FZD3: variants seen among roughly 807,000 people sequenced by gnomAD.
FZD3 encodes frizzled class receptor 3.
A neutral mutation model predicts 60.7 loss-of-function variants in FZD3; 30 were observed. The observed-to-expected ratio is 0.49, with a 90% CI of 0.37 to 0.67. The LOEUF is 0.67. Among genes scored for constraint, FZD3 ranks in the 30% least tolerant of loss-of-function variants. The pLI is 0.00. For missense variants in FZD3, 605 were observed against 838.7 expected (o/e 0.72, Z 3.44); for synonymous variants, 246 against 275.2 (o/e 0.89, Z 1.05).
chr8:28,528,156 C>G lies in FZD3; in HGVS notation c.1396C>G (p.Pro466Ala). Residue 466 changes from proline to alanine, a missense_variant, in exon 5 of 8, where the codon CCA (proline) becomes GCA (alanine). Physicochemically the swap from Pro to Ala is conservative, Grantham distance 27 (BLOSUM62 -1). Transcript: ENST00000240093. ...CTGCAGAGAATATCACATTCCATGT[C>G]CATATCAGGTAAGGGAAACCTTGTT... ...ERCREYHIPC[P>A]YQVTQMSRPD... The G allele has an allele frequency of 1.9e-6, 3 of 1,606,260 alleles. No individual in the cohort carries two copies. Among genetic ancestry groups the G allele is most frequent in the Non-Finnish European group, 2.6e-6 (3 of 1,176,038 alleles).
intron 4 of FZD3, among the ~76,000 whole-genome samples, chr8:28,522,104 C>CTT (rs1159167662): frequency 0.013 from 1,843 of 140,304 alleles, 17 homozygotes; most frequent in African/African-American, 0.021. Flanking sequence ...TTTCTCTTCT[C>CTT]TTTTTTTTTT....
At chr8:28,506,969 C>T (rs76982300) in intron 3 of FZD3, among the ~76,000 whole-genome samples, 2,075 of 152,320 alleles carry the variant, frequency 0.014, 50 homozygotes, top group African/African-American at 0.047. Flanking sequence ...GTTTCATTAT[C>T]ACTGCATGCC....
At chr8:28,503,965 A>G (rs76356327) in intron 3 of FZD3, among the ~76,000 whole-genome samples, 2,038 of 152,322 alleles carry the variant, frequency 0.013, 49 homozygotes, top group African/African-American at 0.047. Context: ...AGTACTCTAT[A>G]AGTGATAGCT....
Position 28,567,905 on chromosome 8 carries a change from AT to A in FZD3, c.*4895del, listed in dbSNP as rs1453220501. On this transcript the variant is annotated 3_prime_UTR_variant, in exon 8 of 8. Transcript: ENST00000240093. ...AGCTTGACTTAAATTATAAAAAAAAATATATATGAAGAAGAATGTAGACCCT... is the reference window on the plus strand; with the variant it reads ...AGCTTGACTTAAATTATAAAAAAAAAATATATGAAGAAGAATGTAGACCCT... The A allele has an allele frequency of 6.6e-6, 1 of 152,104 alleles. No individual in the cohort carries two copies. The highest frequency in any genetic ancestry group is 6.5e-5 in the Admixed American group (1 of 15,270). 9.4% of individuals were successfully genotyped at this position (152,104 alleles called of 1,614,324 possible).
At chr8:28,556,733 A>G (rs1198389149) in intron 7 of FZD3, among the ~76,000 whole-genome samples, 1 of 150,906 alleles carries the variant, frequency 6.6e-6, no homozygotes, top group Admixed American at 6.5e-5. Context: ...AAATAACTGC[A>G]TTCCCATAAA....
chr8:28,508,950 C>T (rs966602173), intron 3 of FZD3, among the ~76,000 whole-genome samples: 2 of 152,174 alleles, frequency 1.3e-5, no homozygotes, highest in African/African-American at 4.8e-5. Flanking sequence ...ACAATGATTA[C>T]AGCAAGCAGT....
chr8:28,552,972 C>T (rs1333590003), intron 6 of FZD3, among the ~76,000 whole-genome samples: 1 of 152,074 alleles, frequency 6.6e-6, no homozygotes, highest in Non-Finnish European at 1.5e-5. Flanking sequence ...CTGTAAGTAA[C>T]CTAGAGATGA....
intron 5 of FZD3, among the ~76,000 whole-genome samples, chr8:28,542,712 AC>A (rs1325848166): frequency 6.6e-6 from 1 of 151,940 alleles, no homozygotes; most frequent in Non-Finnish European, 1.5e-5. Flanking sequence ...GCTATCCCCT[AC>A]CTTGTGTTTT....
At chr8:28,558,280 T>C (rs1407965905) in intron 7 of FZD3, among the ~76,000 whole-genome samples, 1 of 152,166 alleles carries the variant, frequency 6.6e-6, no homozygotes, top group Non-Finnish European at 1.5e-5. Flanking sequence ...AGGAAGTTTC[T>C]ACAGTAATTT....
At chr8:28,498,018 T>C (rs1176018827) in intron 1 of FZD3, among the ~76,000 whole-genome samples, 10 of 152,262 alleles carry the variant, frequency 6.6e-5, no homozygotes, top group Non-Finnish European at 4.4e-5. Flanking sequence ...GTTGGAAATA[T>C]AAAATTCCTG....
At chr8:28,560,239 A>G (rs1805591098) in intron 7 of FZD3, among the ~76,000 whole-genome samples, 5 of 152,188 alleles carry the variant, frequency 3.3e-5, no homozygotes, top group African/African-American at 1.2e-4. Flanking sequence ...TTTTTTGACA[A>G]CGGCAGCAAA....
At chr8:28,545,437 T>C (rs558352054) in intron 5 of FZD3, among the ~76,000 whole-genome samples, 19 of 152,114 alleles carry the variant, frequency 1.2e-4, no homozygotes, top group Non-Finnish European at 2.2e-4. Flanking sequence ...CTAAGCTGTA[T>C]AGAAAGGTTT....
chr8:28,506,026 G>T (rs1804131724), intron 3 of FZD3, among the ~76,000 whole-genome samples: 1 of 152,158 alleles, frequency 6.6e-6, no homozygotes, highest in African/African-American at 2.4e-5. Flanking sequence ...AGTAGCTTTT[G>T]ATAGGAAAAA....
In FZD3 at chr8:28,569,924, C is replaced by CT. The variant is rs1451787367; in HGVS notation, c.*6914dup. 6.6e-6 allele frequency: 1 copy of CT among 151,978 alleles called. No homozygotes were observed. The highest frequency in any genetic ancestry group is 1.5e-5 in the Non-Finnish European group (1 of 67,976). The allele number at this position is 151,978 out of a possible 1,614,324, so 9.4% of individuals were successfully genotyped here. On this transcript the variant is annotated 3_prime_UTR_variant, in exon 8 of 8. Coordinates refer to ENST00000240093, the MANE Select transcript of FZD3 (RefSeq NM_017412.4). ...GTGAACAAAGCAATGGTTCGTATGGCTAATTTAAAAGCAATTCAATTTACC... is the reference window on the plus strand; with the variant it reads ...GTGAACAAAGCAATGGTTCGTATGGCTTAATTTAAAAGCAATTCAATTTACC...
intron 5 of FZD3, among the ~76,000 whole-genome samples, chr8:28,549,567 A>G (rs1805366446): frequency 6.6e-6 from 1 of 151,938 alleles, no homozygotes; most frequent in Non-Finnish European, 1.5e-5. Context: ...TATTTCTTTT[A>G]TCTAATTGCA....
At chr8:28,534,962 C>A (rs1319771640) in intron 5 of FZD3, among the ~76,000 whole-genome samples, 1 of 152,188 alleles carries the variant, frequency 6.6e-6, no homozygotes, top group Non-Finnish European at 1.5e-5. Context: ...AATGATGGAG[C>A]AGTCTCCTCA....
At chr8:28,543,976 TC>T (rs778216761) in intron 5 of FZD3, among the ~76,000 whole-genome samples, 11 of 152,122 alleles carry the variant, frequency 7.2e-5, no homozygotes, top group East Asian at 3.9e-4. Flanking sequence ...AATAAACAGT[TC>T]TTCAGGACTT....
intron 7 of FZD3, 69 bp from the exon 8 acceptor site, chr8:28,562,729 A>G: frequency 1.0e-6 from 1 of 956,788 alleles, no homozygotes; most frequent in Non-Finnish European, 1.6e-6. Context: ...CATTTTTATG[A>G]AAATTATTAG....
chr8:28,520,945 A>C (rs993179857), intron 4 of FZD3, 111 bp downstream of exon 4: 10 of 560,022 alleles, frequency 1.8e-5, no homozygotes, highest in Non-Finnish European at 2.7e-5. Flanking sequence ...TGTACATATT[A>C]GTCATTAATT....
Sources: gnomAD v4.1 joint callset for allele counts (sites outside exome capture counted in the v4.1 genomes callset) on GRCh38, gnomAD v4.1.1 for gene constraint, MANE v1.5 for transcripts, NCBI Gene and HGNC (gene_info 2026-07-23, HGNC 2026-07-21) for gene names.